Variants in XXYLT1 observed in about 807,000 individuals in gnomAD.
The protein encoded by XXYLT1 is xyloside xylosyltransferase 1, also known as UDP-xylose:alpha-xyloside alpha-1,3-xylosyltransferase.
XXYLT1 carries 20 observed loss-of-function variants against 28.9 expected under a neutral mutation model. That is an observed-to-expected ratio of 0.69 (90% CI 0.49 to 1.00). XXYLT1 has a LOEUF of 1.00. XXYLT1 is among the 50% of genes least tolerant of loss of function. The probability of loss-of-function intolerance (pLI) is 0.00; values close to 1 mark genes in which losing one functional copy is unlikely to be tolerated. For synonymous variants in XXYLT1, 257 were observed against 253.8 expected (o/e 1.01, Z -0.12); for missense variants, 542 against 560.1 (o/e 0.97, Z 0.33).
intron 1 of XXYLT1, among the ~76,000 whole-genome samples, chr3:195,261,477 GA>G (rs1185178965): frequency 1.3e-5 from 2 of 151,506 alleles, no homozygotes; most frequent in African/African-American, 4.8e-5. Context: ...GAAAAGAAAA[GA>G]AAAAGGGGAG....
At chr3:195,223,762 G>A (rs531397739) in intron 2 of XXYLT1, among the ~76,000 whole-genome samples, 13 of 152,264 alleles carry the variant, frequency 8.5e-5, no homozygotes, top group Admixed American at 2.0e-4. Flanking sequence ...CACCCCAGAC[G>A]CCACAGGAAA....
chr3:195,265,470 TAAG>T (rs1340437381), intron 1 of XXYLT1, among the ~76,000 whole-genome samples: 1 of 151,952 alleles, frequency 6.6e-6, no homozygotes, highest in Non-Finnish European at 1.5e-5. Flanking sequence ...TCTGAACAGT[TAAG>T]ATTTGAGCTG....
chr3:195,137,990 T>G (rs926164271), intron 3 of XXYLT1, among the ~76,000 whole-genome samples: 1 of 152,192 alleles, frequency 6.6e-6, no homozygotes, highest in Non-Finnish European at 1.5e-5. Context: ...ATAGCCCATA[T>G]GCTGGGTGTC....
In XXYLT1 at chr3:195,106,690, G is replaced by T. The variant is rs6650885; in HGVS notation, c.786-36579C>A. Among the ~76,000 whole-genome samples the T allele has an allele frequency of 7.2e-3, 1,102 of 152,362 alleles. 10 individuals carry two copies. The highest frequency in any genetic ancestry group is 0.025 in the African/African-American group (1,047 of 41,596). On this transcript the variant is annotated intron_variant, in intron 3 of 3. Transcript: ENST00000310380. ...GCGCCCCCAGCAAAGAAGCTGGGGT[G>T]GGGGGCTGGCCACCCATCAGGTCAT...
At chr3:195,106,227 C>G (rs75884405) in intron 3 of XXYLT1, among the ~76,000 whole-genome samples, 2,479 of 150,032 alleles carry the variant, frequency 0.017, 36 homozygotes, top group Non-Finnish European at 0.026. Context: ...GTGTTCTCGA[C>G]GGAGAGGCGC....
chr3:195,143,860 A>C lies in XXYLT1; in HGVS notation c.785+12589T>G. ...TAGATATAGATATATATATAGATAT[A>C]TATAGATATAGATATATATATATAT... On this transcript the variant is annotated intron_variant, in intron 3 of 3. Coordinates refer to ENST00000310380, the MANE Select transcript of XXYLT1 (RefSeq NM_152531.5). 3.2e-5 allele frequency among the ~76,000 whole-genome samples: 3 copies of C among 94,058 alleles called. 1 individual carries two copies. Among genetic ancestry groups the C allele is most frequent in the African/African-American group, 4.4e-5 (1 of 22,628 alleles). The allele number at this position is 94,058 out of a possible 152,430, so 61.7% of individuals were successfully genotyped here. A position where few individuals can be genotyped will look rare whatever the true frequency, so the allele number is the denominator to read the frequency against.
intron 1 of XXYLT1, among the ~76,000 whole-genome samples, chr3:195,251,352 G>A (rs1028501308): frequency 6.6e-6 from 1 of 152,194 alleles, no homozygotes; most frequent in South Asian, 2.1e-4. Context: ...GGGAAGGCGG[G>A]GCCCAGCCAG....
intron 2 of XXYLT1, among the ~76,000 whole-genome samples, chr3:195,188,860 T>C (rs1240221043): frequency 6.6e-6 from 1 of 152,228 alleles, no homozygotes. Context: ...TGTGACAACA[T>C]GACAGAGATG....
intron 3 of XXYLT1, among the ~76,000 whole-genome samples, chr3:195,089,293 A>T (rs1185362510): frequency 7.2e-5 from 11 of 152,222 alleles, no homozygotes; most frequent in South Asian, 2.1e-4. Context: ...CGGGTTACCC[A>T]CAAAGGGAAG....
At chr3:195,243,563 C>G (rs1724875020) in intron 1 of XXYLT1, among the ~76,000 whole-genome samples, 1 of 152,152 alleles carries the variant, frequency 6.6e-6, no homozygotes, top group Admixed American at 6.5e-5. Flanking sequence ...GAGTGACAGA[C>G]AGATAATTGA....
At chr3:195,183,063 C>T (rs997205768) in intron 2 of XXYLT1, among the ~76,000 whole-genome samples, 12 of 152,116 alleles carry the variant, frequency 7.9e-5, no homozygotes, top group Non-Finnish European at 1.5e-4. Flanking sequence ...AACGGAAGCT[C>T]GGGCAGGACA....
intron 3 of XXYLT1, among the ~76,000 whole-genome samples, chr3:195,137,401 G>A (rs768253104): frequency 6.6e-6 from 1 of 152,156 alleles, no homozygotes; most frequent in East Asian, 1.9e-4. Context: ...TTGGGCTTTC[G>A]GCACTGGTCT....
chr3:195,136,110 C>G (rs552562897), intron 3 of XXYLT1, among the ~76,000 whole-genome samples: 4 of 152,264 alleles, frequency 2.6e-5, no homozygotes, highest in African/African-American at 9.6e-5. Context: ...ATCACCAGGG[C>G]CGTCACCATG....
At chr3:195,235,848 C>T (rs1277719219) in intron 1 of XXYLT1, among the ~76,000 whole-genome samples, 2 of 152,062 alleles carry the variant, frequency 1.3e-5, no homozygotes, top group Non-Finnish European at 2.9e-5. Flanking sequence ...GTTCTCTTCC[C>T]TATCTCCCAG....
At chr3:195,179,600 G>A (rs1386460785) in intron 2 of XXYLT1, among the ~76,000 whole-genome samples, 1 of 152,094 alleles carries the variant, frequency 6.6e-6, no homozygotes, top group East Asian at 1.9e-4. Flanking sequence ...ATGCTGAGGA[G>A]ACATTGGCCC....
rs140968312 is a variant in XXYLT1, at chr3:195,223,761, C to T, written c.652+2948G>A. ...ACTTCCTGGCAGGACACACCCCAGA[C>T]GCCACAGGAAACTCAAGGACCGCTC... On this transcript the variant is annotated intron_variant, in intron 2 of 3. Transcript: ENST00000310380. Among the ~76,000 whole-genome samples, 41 of 152,266 alleles carry T rather than the reference C, an allele frequency of 2.7e-4. 1 individual carries two copies. Among genetic ancestry groups the T allele is most frequent in the Non-Finnish European group, 4.4e-4 (30 of 68,014 alleles).
chr3:195,270,879 G>C lies in XXYLT1; in HGVS notation c.180C>G (p.Ala60=). The C allele has an allele frequency of 7.1e-7, 1 of 1,417,838 alleles. No individual in the cohort carries two copies. The highest frequency in any genetic ancestry group is 9.2e-7 in the Non-Finnish European group (1 of 1,090,040). 87.8% of individuals were successfully genotyped at this position (1,417,838 alleles called of 1,614,324 possible). A position where few individuals can be genotyped will look rare whatever the true frequency, so the allele number is the denominator to read the frequency against. The change falls in exon 1 of 4, where the codon GCC becomes GCG. Residue 60 remains alanine (A), a synonymous_variant. Coordinates refer to ENST00000310380, the MANE Select transcript of XXYLT1 (RefSeq NM_152531.5). ...GCGGCGAGGGCGCGGCGGGAGCCCC[G>C]GCGCGGGCCTCCTTCAGCCTCTTGG... ...SATKRLKEAR[A]GAPAAPSPPA...
chr3:195,228,996 AG>A (rs1337920488), intron 1 of XXYLT1, among the ~76,000 whole-genome samples: 3 of 151,974 alleles, frequency 2.0e-5, no homozygotes, highest in African/African-American at 7.3e-5. Context: ...TACTTTTAGT[AG>A]AGACAGGGTT....
intron 1 of XXYLT1, among the ~76,000 whole-genome samples, chr3:195,252,066 T>C (rs141185530): frequency 5.1e-4 from 77 of 152,354 alleles, no homozygotes; most frequent in African/African-American, 1.8e-3. Flanking sequence ...TCAGCAAAGA[T>C]AAATCTCAAA....
Sources: gnomAD v4.1 joint callset for allele counts (sites outside exome capture counted in the v4.1 genomes callset) on GRCh38, gnomAD v4.1.1 for gene constraint, MANE v1.5 for transcripts, NCBI Gene and HGNC (gene_info 2026-07-23, HGNC 2026-07-21) for gene names.